Variants in GRIA1 observed in about 807,000 individuals in gnomAD.
The protein encoded by GRIA1 is glutamate receptor 1.
A neutral mutation model predicts 99.2 loss-of-function variants in GRIA1; 31 were observed. That is an observed-to-expected ratio of 0.31 (90% CI 0.23 to 0.42). The LOEUF (loss-of-function observed/expected upper bound fraction) is 0.42, where lower values mean the gene tolerates loss of function less well. Among genes scored for constraint, GRIA1 ranks in the 10% least tolerant of loss-of-function variants. The pLI is 1.00. For missense variants in GRIA1, 782 were observed against 1,157.5 expected (o/e 0.68, Z 4.71); for synonymous variants, 438 against 432.4 (o/e 1.01, Z -0.16).
At chr5:153,618,716 A>G (rs1363604120) in intron 2 of GRIA1, among the ~76,000 whole-genome samples, 2 of 152,204 alleles carry the variant, frequency 1.3e-5, no homozygotes, top group East Asian at 3.8e-4. Context: ...CAGTTATTCT[A>G]TGCCTGCTAT....
intron 11 of GRIA1, among the ~76,000 whole-genome samples, chr5:153,749,085 G>T (rs1301455743): frequency 6.6e-6 from 1 of 152,128 alleles, no homozygotes; most frequent in Non-Finnish European, 1.5e-5. Flanking sequence ...ACCAGCAACG[G>T]AGACAACCAG....
chr5:153,661,022 G>A (rs1394955313), intron 5 of GRIA1, among the ~76,000 whole-genome samples: 1 of 152,190 alleles, frequency 6.6e-6, no homozygotes, highest in African/African-American at 2.4e-5. Flanking sequence ...GGAAGTTTTA[G>A]TCTATTTGGC....
chr5:153,804,672 T>C (rs570211418), intron 15 of GRIA1, among the ~76,000 whole-genome samples: 1 of 152,302 alleles, frequency 6.6e-6, no homozygotes, highest in African/African-American at 2.4e-5. Context: ...TCTCCATTTG[T>C]TAACTATGTC....
rs946458496 is a variant in GRIA1, at chr5:153,490,827, G to A, written c.-62G>A. On this transcript the variant is annotated 5_prime_UTR_variant, in exon 1 of 16. Transcript: ENST00000285900. ...AACAGCGAGAAGAATAAAGGGAAAG[G>A]GGGGGAAACACCAAATCTATGATTG... is the stretch of plus-strand genomic sequence containing the variant. The A allele has an allele frequency of 1.7e-5, 20 of 1,178,464 alleles. No homozygotes were observed. Among genetic ancestry groups the A allele is most frequent in the Non-Finnish European group, 2.3e-5 (18 of 782,122 alleles). The allele number at this position is 1,178,464 out of a possible 1,614,324, so 73.0% of individuals were successfully genotyped here.
At chr5:153,747,806 T>G (rs1291940157) in intron 11 of GRIA1, among the ~76,000 whole-genome samples, 1 of 152,240 alleles carries the variant, frequency 6.6e-6, no homozygotes, top group Non-Finnish European at 1.5e-5. Context: ...CCTCTGCATG[T>G]CCTTAGCACT....
intron 2 of GRIA1, among the ~76,000 whole-genome samples, chr5:153,632,667 C>T (rs750767580): frequency 2.0e-5 from 3 of 152,096 alleles, no homozygotes; most frequent in East Asian, 1.9e-4. Flanking sequence ...ATGGTCCTCA[C>T]GTCACAGGTG....
chr5:153,549,633 G>A (rs1022045579), intron 2 of GRIA1, among the ~76,000 whole-genome samples: 21 of 152,170 alleles, frequency 1.4e-4, no homozygotes, highest in Middle Eastern at 3.4e-3. Flanking sequence ...AATGGACTGT[G>A]GTATTTTCTG....
chr5:153,765,417 C>A (rs1173677636), intron 12 of GRIA1, among the ~76,000 whole-genome samples: 2 of 152,158 alleles, frequency 1.3e-5, no homozygotes, highest in African/African-American at 4.8e-5. Flanking sequence ...GTTCCATATA[C>A]CATTAGGACT....
At chr5:153,499,898 A>G (rs1384564578) in intron 2 of GRIA1, among the ~76,000 whole-genome samples, 21 of 152,144 alleles carry the variant, frequency 1.4e-4, no homozygotes, top group Admixed American at 1.4e-3. Context: ...CCCCTCAACC[A>G]CTGCTGCATA....
intron 11 of GRIA1, among the ~76,000 whole-genome samples, chr5:153,749,184 G>GTCA (rs979741695): frequency 1.3e-5 from 2 of 152,174 alleles, no homozygotes; most frequent in Non-Finnish European, 2.9e-5. Flanking sequence ...AGAAATCATT[G>GTCA]TCATCATCAT....
intron 2 of GRIA1, among the ~76,000 whole-genome samples, chr5:153,617,594 A>G (rs1766627344): frequency 6.6e-6 from 1 of 152,174 alleles, no homozygotes; most frequent in African/African-American, 2.4e-5. Flanking sequence ...TTGGTACATG[A>G]GTATACAGAA....
intron 11 of GRIA1, among the ~76,000 whole-genome samples, chr5:153,763,683 C>T (rs948628590): frequency 2.6e-5 from 4 of 152,188 alleles, no homozygotes; most frequent in African/African-American, 4.8e-5. Flanking sequence ...GTGGAACTCT[C>T]GGCTGGTTAT....
intron 9 of GRIA1, 53 bp from the exon 10 acceptor site, chr5:153,698,814 C>A: frequency 8.5e-7 from 1 of 1,178,342 alleles, no homozygotes; most frequent in Non-Finnish European, 1.3e-6. Flanking sequence ...GTCCTCCCTA[C>A]CCATGGGTGA....
In GRIA1 at chr5:153,749,841, G is replaced by GA. The variant is rs560371027; in HGVS notation, c.1824-14583dup. 2.2e-4 allele frequency among the ~76,000 whole-genome samples: 32 copies of GA among 148,010 alleles called. No homozygotes were observed. The Middle Eastern group carries it at 0.01, about 49-fold the overall frequency. ...TACACTCCCATAGCCTACCTAACTG[G>GA]AAAAAAAAAATAGGAACAAAGGACG... On this transcript the variant is annotated intron_variant, in intron 11 of 15. Transcript: ENST00000285900.
intron 10 of GRIA1, 57 bp downstream of exon 10, chr5:153,699,130 A>C: frequency 7.8e-7 from 1 of 1,278,530 alleles, no homozygotes; most frequent in Non-Finnish European, 1.1e-6. Context: ...TTGACAGGAA[A>C]TCATTTGGTG....
At chr5:153,690,599 C>G (rs926794670) in intron 8 of GRIA1, among the ~76,000 whole-genome samples, 1 of 152,176 alleles carries the variant, frequency 6.6e-6, no homozygotes, top group Non-Finnish European at 1.5e-5. Flanking sequence ...TACTTTTAAA[C>G]TCCCTTCTAT....
chr5:153,524,520 G>A (rs1168350075), intron 2 of GRIA1, among the ~76,000 whole-genome samples: 1 of 152,108 alleles, frequency 6.6e-6, no homozygotes, highest in Non-Finnish European at 1.5e-5. Flanking sequence ...CTATCCTTCT[G>A]GACTAGCTTT....
Position 153,519,306 on chromosome 5 carries a change from C to A in GRIA1, c.220+25241C>A, listed in dbSNP as rs1756923218. Among the ~76,000 whole-genome samples the A allele has an allele frequency of 3.9e-5, 6 of 151,988 alleles. No individual in the cohort carries two copies. In the South Asian group the frequency reaches 1.3e-3, roughly 32 times the overall value. On this transcript the variant is annotated intron_variant, in intron 2 of 15. Coordinates refer to ENST00000285900, the MANE Select transcript of GRIA1 (RefSeq NM_000827.4). ...GAAATGCCAATTCGAGGGTCTCAGG[C>A]CGGACCTCCTGAATCAGAAACTTTG...
chr5:153,648,172 G>A (rs917563391), intron 3 of GRIA1, among the ~76,000 whole-genome samples: 4 of 152,170 alleles, frequency 2.6e-5, no homozygotes, highest in African/African-American at 9.7e-5. Flanking sequence ...AGTTAGGCAG[G>A]CGTCGTTCAG....
Sources: gnomAD v4.1 joint callset for allele counts (sites outside exome capture counted in the v4.1 genomes callset) on GRCh38, gnomAD v4.1.1 for gene constraint, MANE v1.5 for transcripts, NCBI Gene and HGNC (gene_info 2026-07-23, HGNC 2026-07-21) for gene names.